ASMTL: variants seen among roughly 807,000 people sequenced by gnomAD.
ASMTL encodes the protein probable bifunctional dTTP/UTP pyrophosphatase/methyltransferase protein.
In ASMTL, 57 loss-of-function variants were observed where a neutral mutation model predicts 60.3. The observed-to-expected ratio is 0.95, with a 90% confidence interval of 0.76 to 1.18. The LOEUF is 1.18. Ranked by LOEUF, ASMTL falls within the 50% of genes most tolerant of loss-of-function variation. The pLI, the probability that ASMTL is intolerant of heterozygous loss-of-function variation, is 0.00. For missense variants in ASMTL, 981 were observed against 852.6 expected, an observed-to-expected ratio of 1.15 and a Z score of -1.88; for synonymous variants, 419 against 373.0, an observed-to-expected ratio of 1.12 and a Z score of -1.42.
chrX:1,406,607 GGTA>G (rs1569530853), intron 12 of ASMTL, among the ~76,000 whole-genome samples: 2 of 151,312 alleles, frequency 1.3e-5, no homozygotes, highest in South Asian at 2.1e-4. Context: ...TGAATAGATA[GGTA>G]GGTAGGTAGA....
intron 7 of ASMTL, among the ~76,000 whole-genome samples, chrX:1,427,049 A>G (rs2090632793): frequency 6.6e-6 from 1 of 152,236 alleles, no homozygotes; most frequent in African/African-American, 2.4e-5. Context: ...TAAGTAAGCT[A>G]GGGGACTTCA....
intron 3 of ASMTL, 131 bp downstream of exon 3, chrX:1,438,966 G>C: frequency 9.9e-7 from 1 of 1,012,244 alleles, no homozygotes; most frequent in African/African-American, 1.6e-5. Context: ...CTGGTAGTTT[G>C]TGATGGGAGT....
chrX:1,442,266 C>A lies in ASMTL; in HGVS notation c.145G>T (p.Ala49Ser), dbSNP rs2091125262. 1 of 1,613,902 alleles carries A rather than the reference C, an allele frequency of 6.2e-7. No individual in the cohort carries two copies. Among genetic ancestry groups the A allele is most frequent in the South Asian group, 1.1e-5 (1 of 91,074 alleles). The change falls in exon 2 of 13, where the codon GCC becomes TCC. Residue 49 changes from alanine to serine, a missense_variant. Transcript: ENST00000381317. The stretch of plus-strand genomic sequence containing the variant: ...TACCCATACGGAGTAGCGAAGGAGG[C>A]TTTGTCCAGCTTCTCTTTAAACTTG... ...PSKFKEKLDKASFATPYGYAM... is the reference protein window; with the variant it reads ...PSKFKEKLDKSSFATPYGYAM...
intron 5 of ASMTL, among the ~76,000 whole-genome samples, chrX:1,432,630 C>T (rs1232356199): frequency 6.6e-6 from 1 of 151,858 alleles, no homozygotes; most frequent in East Asian, 1.9e-4. Context: ...GAGTTCGAGA[C>T]CATCCTGGCT....
chrX:1,416,126 G>T (rs1208103010), intron 11 of ASMTL, among the ~76,000 whole-genome samples: 14 of 147,834 alleles, frequency 9.5e-5, no homozygotes, highest in African/African-American at 3.3e-4. Flanking sequence ...GGCACACACA[G>T]ACGCAGACAT....
intron 8 of ASMTL, among the ~76,000 whole-genome samples, chrX:1,424,853 TCCACCCAC>T (rs771376811): frequency 4.1e-5 from 4 of 96,624 alleles, no homozygotes; most frequent in Admixed American, 1.2e-4. Context: ...CATCTATCCA[TCCACCCAC>T]CCACCCATCC....
chrX:1,448,682 GAC>G (rs1257457092), intron 1 of ASMTL, among the ~76,000 whole-genome samples: 8 of 145,200 alleles, frequency 5.5e-5, no homozygotes, highest in African/African-American at 2.1e-4. Context: ...CACCATCTTG[GAC>G]ACACACTGCC....
chrX:1,437,393 A>G lies in ASMTL; in HGVS notation c.274-1635T>C, dbSNP rs745448024. On this transcript the variant is annotated intron_variant, in intron 3 of 12. Coordinates refer to ENST00000381317, the MANE Select transcript of ASMTL (RefSeq NM_004192.4). ...AACAGCAGACATTGATTCTTCCATA[A>G]TCCTGGAGTCTGGAAGTCTGAGATC... is the stretch of plus-strand genomic sequence containing the variant. 1.7e-4 allele frequency among the ~76,000 whole-genome samples: 19 copies of G among 110,468 alleles called. No homozygotes were observed. In the South Asian group the frequency reaches 2.2e-3, roughly 13 times the overall value. 72.5% of individuals were successfully genotyped at this position (110,468 alleles called of 152,430 possible).
At chrX:1,411,151 T>C (rs1485194207) in intron 12 of ASMTL, among the ~76,000 whole-genome samples, 13 of 151,312 alleles carry the variant, frequency 8.6e-5, no homozygotes, top group African/African-American at 3.2e-4. Flanking sequence ...GCCACTGCAC[T>C]CCAGCCTGGG....
chrX:1,452,630 C>A, intron 1 of ASMTL, 118 bp downstream of exon 1: 1 of 805,884 alleles, frequency 1.2e-6, no homozygotes, highest in South Asian at 1.7e-5. Flanking sequence ...CCTCCCCCAT[C>A]CCTAAGGGTC....
intron 6 of ASMTL, among the ~76,000 whole-genome samples, chrX:1,428,927 C>T (rs1180275723): frequency 6.0e-5 from 9 of 151,154 alleles, no homozygotes; most frequent in East Asian, 1.9e-4. Flanking sequence ...GACAGAGTCT[C>T]GCTCTGTCGC....
At position 1,437,424 on chromosome X, in the gene ASMTL, G is replaced by C. The variant is rs760353299; in HGVS notation, c.274-1666C>G. Reference sequence around the variant, plus strand: ...GAGTCTGGAAGTCTGAGATCCAGGTGTGGGCAGGGCTGGTTCCTCCTGAGG... The same window carrying C: ...GAGTCTGGAAGTCTGAGATCCAGGTCTGGGCAGGGCTGGTTCCTCCTGAGG... On this transcript the variant is annotated intron_variant, in intron 3 of 12. Coordinates refer to ENST00000381317, the MANE Select transcript of ASMTL (RefSeq NM_004192.4). 9.9e-5 allele frequency among the ~76,000 whole-genome samples: 15 copies of C among 150,982 alleles called. No homozygotes were observed. In the South Asian group the frequency reaches 3.1e-3, roughly 32 times the overall value.
At position 1,436,929 on chromosome X, in the gene ASMTL, G is replaced by A. The variant is rs752585918; in HGVS notation, c.274-1171C>T. ...AACTACAGACATTGATTCTCCCATC[G>A]TCGTGGAGACTGGAAGGGCGAGATC... On this transcript the variant is annotated intron_variant, in intron 3 of 12. Coordinates refer to ENST00000381317, the MANE Select transcript of ASMTL (RefSeq NM_004192.4). 9.2e-5 allele frequency among the ~76,000 whole-genome samples: 14 copies of A among 152,334 alleles called. No individual in the cohort carries two copies. The East Asian group carries it at 1.5e-3, about 17-fold the overall frequency.
chrX:1,419,261 A>G (rs1315220683), intron 9 of ASMTL, 147 bp from the exon 10 acceptor site: 3 of 873,380 alleles, frequency 3.4e-6, no homozygotes, highest in Non-Finnish European at 5.3e-6. Context: ...TTCATGCCAC[A>G]GCTGTGTGGG....
intron 3 of ASMTL, among the ~76,000 whole-genome samples, chrX:1,437,821 C>T (rs1197562183): frequency 2.0e-5 from 3 of 151,178 alleles, no homozygotes; most frequent in African/African-American, 4.9e-5. Flanking sequence ...CATTGAAACC[C>T]GGGAGGCGGA....
chrX:1,432,251 A>G lies in ASMTL; in HGVS notation c.509+18T>C. Reference sequence around the variant, plus strand: ...TTCCACACGTGTCCCCCGTCCCCCCACCGCCCCCGAGACTCACATGGGCTC... The same window carrying G: ...TTCCACACGTGTCCCCCGTCCCCCCGCCGCCCCCGAGACTCACATGGGCTC... On this transcript the variant is annotated intron_variant, in intron 6 of 12. Coordinates refer to ENST00000381317, the MANE Select transcript of ASMTL (RefSeq NM_004192.4). 1 of 1,174,052 alleles carries G rather than the reference A, an allele frequency of 8.5e-7. No homozygotes were observed. Among genetic ancestry groups the G allele is most frequent in the Non-Finnish European group, 1.2e-6 (1 of 806,206 alleles). The allele number at this position is 1,174,052 out of a possible 1,614,324, so 72.7% of individuals were successfully genotyped here. A position where few individuals can be genotyped will look rare whatever the true frequency, so the allele number is the denominator to read the frequency against.
chrX:1,451,346 C>T (rs1333396605), intron 1 of ASMTL, among the ~76,000 whole-genome samples: 1 of 149,916 alleles, frequency 6.7e-6, no homozygotes, highest in African/African-American at 2.5e-5. Flanking sequence ...CTCTCCCCTC[C>T]CCATTCCTTG....
At chrX:1,448,487 C>T (rs1474353084) in intron 1 of ASMTL, among the ~76,000 whole-genome samples, 1 of 150,444 alleles carries the variant, frequency 6.6e-6, no homozygotes, top group Admixed American at 6.6e-5. Flanking sequence ...TGGACACACA[C>T]TGCCATCTTG....
intron 9 of ASMTL, 36 bp downstream of exon 9, chrX:1,421,622 C>G (rs373559079): frequency 6.2e-7 from 1 of 1,612,196 alleles, no homozygotes; most frequent in African/African-American, 1.3e-5. Flanking sequence ...AAAATGCACG[C>G]TAGACGGAAA....
Sources: gnomAD v4.1 joint callset for allele counts (sites outside exome capture counted in the v4.1 genomes callset) on GRCh38, gnomAD v4.1.1 for gene constraint, MANE v1.5 for transcripts, NCBI Gene and HGNC (gene_info 2026-07-23, HGNC 2026-07-21) for gene names.